GALNT13: variants seen among roughly 807,000 people sequenced by gnomAD.
GALNT13 encodes polypeptide N-acetylgalactosaminyltransferase 13, also known as UDP-GalNAc:polypeptide N-acetylgalactosaminyltransferase 13.
GALNT13 carries 28 observed loss-of-function variants against 64.2 expected under a neutral mutation model. The observed-to-expected ratio is 0.44, with a 90% CI of 0.32 to 0.60. The LOEUF is 0.60. GALNT13 is among the 20% of genes least tolerant of loss of function. The pLI is 0.05. For synonymous variants in GALNT13, 214 were observed against 224.6 expected, an observed-to-expected ratio of 0.95 and a Z score of 0.42; for missense variants, 577 against 669.8, an observed-to-expected ratio of 0.86 and a Z score of 1.53.
intron 3 of GALNT13, among the ~76,000 whole-genome samples, chr2:154,123,528 A>G (rs1682078730): frequency 6.6e-6 from 1 of 151,998 alleles, no homozygotes; most frequent in African/African-American, 2.4e-5. Context: ...ACTGAATAAC[A>G]TGGCTACACA....
At chr2:153,171,236 G>T in the GALNT13 span, among the ~76,000 whole-genome samples, 1 of 152,294 alleles carries the variant, frequency 6.6e-6, no homozygotes, top group South Asian at 2.1e-4. Context: ...AGCTGTAAAT[G>T]CTTCTGATCA....
At chr2:153,292,047 T>C in the GALNT13 span, among the ~76,000 whole-genome samples, 1 of 152,240 alleles carries the variant, frequency 6.6e-6, no homozygotes, top group Non-Finnish European at 1.5e-5. Context: ...TTTGATTTTC[T>C]ACAGGCGTTT....
At chr2:153,317,974 T>C in the GALNT13 span, among the ~76,000 whole-genome samples, 1 of 152,148 alleles carries the variant, frequency 6.6e-6, no homozygotes, top group South Asian at 2.1e-4. Context: ...GGATCAGTGA[T>C]ACAGTGAAAT....
the GALNT13 span, among the ~76,000 whole-genome samples, chr2:153,514,630 G>A: frequency 2.6e-5 from 4 of 151,984 alleles, no homozygotes; most frequent in Non-Finnish European, 4.4e-5. Context: ...ATCATTCCTC[G>A]CTCCAGAGGA....
chr2:153,620,063 T>A, the GALNT13 span, among the ~76,000 whole-genome samples: 1 of 152,102 alleles, frequency 6.6e-6, no homozygotes, highest in Non-Finnish European at 1.5e-5. Flanking sequence ...CTCTATCTCT[T>A]CTTTAAGGGA....
At chr2:154,167,318 C>G (rs1400347503) in intron 4 of GALNT13, among the ~76,000 whole-genome samples, 1 of 152,042 alleles carries the variant, frequency 6.6e-6, no homozygotes, top group Non-Finnish European at 1.5e-5. Flanking sequence ...TATTAGAAAA[C>G]ATAGCATGGT....
At chr2:153,121,168 A>G in the GALNT13 span, among the ~76,000 whole-genome samples, 3 of 152,198 alleles carry the variant, frequency 2.0e-5, no homozygotes, top group Non-Finnish European at 2.9e-5. Flanking sequence ...GTGCTGCAAG[A>G]TAGACTTTCC....
the GALNT13 span, among the ~76,000 whole-genome samples, chr2:153,474,779 T>C: frequency 6.6e-6 from 1 of 152,180 alleles, no homozygotes; most frequent in African/African-American, 2.4e-5. Flanking sequence ...CCCTGGGCCA[T>C]GTCAGATCAA....
intron 3 of GALNT13, among the ~76,000 whole-genome samples, chr2:154,069,185 A>T (rs1372804347): frequency 6.6e-6 from 1 of 152,102 alleles, no homozygotes; most frequent in Non-Finnish European, 1.5e-5. Flanking sequence ...AACTGAATGC[A>T]TTTATAGCAA....
At chr2:153,819,427 A>G in the GALNT13 span, among the ~76,000 whole-genome samples, 1,195 of 152,266 alleles carry the variant, frequency 7.8e-3, 17 homozygotes, top group African/African-American at 0.027. Context: ...AGGAAGGGGA[A>G]CCAGTGCAGC....
intron 3 of GALNT13, among the ~76,000 whole-genome samples, chr2:153,978,373 G>T (rs1338879509): frequency 6.6e-6 from 1 of 152,078 alleles, no homozygotes; most frequent in Non-Finnish European, 1.5e-5. Flanking sequence ...TTTGTTTTGC[G>T]TGACCTTTGT....
the GALNT13 span, among the ~76,000 whole-genome samples, chr2:153,237,128 A>G: frequency 6.6e-6 from 1 of 152,102 alleles, no homozygotes; most frequent in Non-Finnish European, 1.5e-5. Flanking sequence ...AATTTCTGTA[A>G]TCTTATGGTT....
At chr2:154,030,770 G>A (rs903685218) in intron 3 of GALNT13, among the ~76,000 whole-genome samples, 7 of 152,140 alleles carry the variant, frequency 4.6e-5, no homozygotes, top group Middle Eastern at 6.8e-3. Context: ...CCTCTCTCCT[G>A]CTCTTCTGTG....
intron 3 of GALNT13, among the ~76,000 whole-genome samples, chr2:154,081,253 T>G (rs12613464): frequency 0.32 from 47,805 of 151,384 alleles, 10,096 homozygotes; most frequent in East Asian, 0.83. Flanking sequence ...ATTTTTCTTT[T>G]AAACCCTTTC....
the GALNT13 span, among the ~76,000 whole-genome samples, chr2:153,138,506 C>T: frequency 5.9e-5 from 9 of 152,094 alleles, no homozygotes; most frequent in South Asian, 2.1e-4. Flanking sequence ...CTTTTATTCT[C>T]TTAAACAATA....
At chr2:154,186,368 A>G (rs981338737) in intron 4 of GALNT13, among the ~76,000 whole-genome samples, 3 of 152,068 alleles carry the variant, frequency 2.0e-5, no homozygotes, top group Non-Finnish European at 4.4e-5. Flanking sequence ...CAACCATTAT[A>G]TTTACGTATG....
chr2:153,150,213 A>G, the GALNT13 span, among the ~76,000 whole-genome samples: 1 of 152,032 alleles, frequency 6.6e-6, no homozygotes, highest in South Asian at 2.1e-4. Context: ...GATAGGCTTA[A>G]TGGAAGAAGA....
the GALNT13 span, among the ~76,000 whole-genome samples, chr2:153,138,902 G>C: frequency 6.6e-6 from 1 of 151,918 alleles, no homozygotes; most frequent in Non-Finnish European, 1.5e-5. Flanking sequence ...TTGAGTATGT[G>C]CTCAAAGATC....
chr2:153,203,898 C>T, the GALNT13 span, among the ~76,000 whole-genome samples: 1 of 151,724 alleles, frequency 6.6e-6, no homozygotes, highest in Admixed American at 6.6e-5. Context: ...CACACGCATA[C>T]ACTAAATATT....
Sources: allele counts gnomAD v4.1 joint callset (sites outside exome capture counted in the v4.1 genomes callset), GRCh38; gene constraint gnomAD v4.1.1; transcripts MANE v1.5; gene names NCBI Gene and HGNC (gene_info 2026-07-23, HGNC 2026-07-21).